The following RAD52 variants were observed in gnomAD, a reference collection of about 807,000 sequenced individuals.
RAD52 encodes the protein RAD52 DNA repair protein, also known as DNA repair protein RAD52 homolog.
A neutral mutation model predicts 55.5 loss-of-function variants in RAD52; 47 were observed. The observed-to-expected ratio is 0.85, with a 90% CI of 0.67 to 1.08. RAD52 has a LOEUF of 1.08. RAD52 is among the 50% of genes least tolerant of loss of function. The probability of loss-of-function intolerance (pLI) is 0.00; values close to 1 mark genes in which losing one functional copy is unlikely to be tolerated. For missense variants in RAD52, 468 were observed against 522.8 expected (o/e 0.90, Z 1.02); for synonymous variants, 184 against 198.9 (o/e 0.92, Z 0.63).
At chr12:932,486 C>T (rs941777612) in intron 2 of RAD52, among the ~76,000 whole-genome samples, 2 of 151,600 alleles carry the variant, frequency 1.3e-5, no homozygotes, top group Non-Finnish European at 2.9e-5. Flanking sequence ...CAAAGCAAGA[C>T]TCAGTCTCGA....
chr12:935,660 C>A (rs1233028472), intron 1 of RAD52, among the ~76,000 whole-genome samples: 2 of 151,502 alleles, frequency 1.3e-5, no homozygotes, highest in Non-Finnish European at 2.9e-5. Flanking sequence ...TCGAGACCAG[C>A]CTGACCAACA....
chr12:965,146 A>AT (rs1958741829), intron 1 of RAD52, among the ~76,000 whole-genome samples: 2 of 151,612 alleles, frequency 1.3e-5, no homozygotes, highest in Non-Finnish European at 2.9e-5. Flanking sequence ...CGCCCGGCTA[A>AT]TTTTTGTATT....
At chr12:922,191 T>TTA (rs368322817) in intron 7 of RAD52, among the ~76,000 whole-genome samples, 1 of 81,680 alleles carries the variant, frequency 1.2e-5, no homozygotes, top group East Asian at 3.4e-4. Context: ...TAGGTTGGCT[T>TTA]AAAAAAAAAA....
At chr12:980,131 A>G (rs920464098) in intron 1 of RAD52, among the ~76,000 whole-genome samples, 3 of 151,698 alleles carry the variant, frequency 2.0e-5, no homozygotes, top group African/African-American at 7.3e-5. Flanking sequence ...CGGAGGTTGC[A>G]GTGAGCTGAG....
upstream of RAD52, among the ~76,000 whole-genome samples, chr12:953,885 G>A (rs563586850): frequency 3.3e-5 from 5 of 152,164 alleles, no homozygotes; most frequent in South Asian, 2.1e-4. Context: ...AGAGCGTTCC[G>A]TACACACAGC....
chr12:927,415 C>A, intron 5 of RAD52, 152 bp from the exon 6 acceptor site: 1 of 677,836 alleles, frequency 1.5e-6, no homozygotes, highest in Middle Eastern at 3.2e-4. Context: ...GAGAATCCAT[C>A]GCGAGTGCTG....
At chr12:938,115 C>T (rs569959028) in intron 1 of RAD52, among the ~76,000 whole-genome samples, 4 of 152,278 alleles carry the variant, frequency 2.6e-5, no homozygotes, top group East Asian at 1.9e-4. Flanking sequence ...AAAAGGAGGG[C>T]GGCAAAAGAT....
At chr12:948,525 G>A (rs1460365658) in intron 1 of RAD52, among the ~76,000 whole-genome samples, 1 of 152,078 alleles carries the variant, frequency 6.6e-6, no homozygotes, top group Non-Finnish European at 1.5e-5. Flanking sequence ...TGGGTGTGGT[G>A]GTATGCGCCT....
intron 1 of RAD52, among the ~76,000 whole-genome samples, chr12:985,609 A>G (rs574159151): frequency 6.6e-6 from 1 of 152,244 alleles, no homozygotes; most frequent in East Asian, 1.9e-4. Context: ...CATATATGTG[A>G]GGTATGGGTT....
Position 919,827 on chromosome 12 carries a change from C to T in RAD52, c.544-3007G>A, listed in dbSNP as rs188157905. 5.2e-5 allele frequency among the ~76,000 whole-genome samples: 6 copies of T among 116,322 alleles called. 2 individuals are homozygous for T. Among genetic ancestry groups the T allele is most frequent in the East Asian group, 2.3e-4 (1 of 4,398 alleles). 76.3% of individuals were successfully genotyped at this position (116,322 alleles called of 152,430 possible). A position where few individuals can be genotyped will look rare whatever the true frequency, so the allele number is the denominator to read the frequency against. ...CAACACCTTGGGAGGCCGAGGTGGG[C>T]GGATCATCTGAGGTTAAGAGTCCAA... On this transcript the variant is annotated intron_variant, in intron 7 of 11. Coordinates refer to ENST00000358495, the MANE Select transcript of RAD52 (RefSeq NM_134424.4).
At position 930,449 on chromosome 12, in the gene RAD52, G is replaced by A. The variant is rs11571418; in HGVS notation, c.187-305C>T. On this transcript the variant is annotated intron_variant, in intron 3 of 11. Coordinates refer to ENST00000358495, the MANE Select transcript of RAD52 (RefSeq NM_134424.4). ...CAAAAATCTTCTAGATGGAGCCCGC[G>A]AGAACGAATGGTCTGTTGGGAGGAG... Among the ~76,000 whole-genome samples the A allele has an allele frequency of 3.3e-5, 5 of 152,138 alleles. No individual in the cohort carries two copies. The East Asian group carries it at 7.7e-4, about 23-fold the overall frequency.
chr12:933,320 A>G (rs1262985706), intron 1 of RAD52, among the ~76,000 whole-genome samples: 1 of 152,038 alleles, frequency 6.6e-6, no homozygotes, highest in Non-Finnish European at 1.5e-5. Context: ...TTAGCTGGGC[A>G]TGGTGGCAGG....
chr12:977,973 G>A lies in RAD52; in HGVS notation c.-19+11836C>T, dbSNP rs558163592. Among the ~76,000 whole-genome samples, 124 of 152,332 alleles carry A rather than the reference G, an allele frequency of 8.1e-4. 1 individual carries two copies. Among genetic ancestry groups the A allele is most frequent in the Middle Eastern group, 3.4e-3 (1 of 294 alleles). Reference sequence around the variant, plus strand: ...TGGGACATTGAAATGATCAAGTTGAGTGAATATGGGCAGAACACTGACAAC... The same window carrying A: ...TGGGACATTGAAATGATCAAGTTGAATGAATATGGGCAGAACACTGACAAC... On this transcript the variant is annotated intron_variant, in intron 1 of 11. Coordinates refer to the RAD52 transcript ENST00000430095.
chr12:934,522 A>C (rs1455750285), intron 1 of RAD52, among the ~76,000 whole-genome samples: 3 of 151,796 alleles, frequency 2.0e-5, no homozygotes, highest in African/African-American at 7.3e-5. Flanking sequence ...TCATGTTTAG[A>C]CTTGGGTCCC....
At chr12:965,716 C>T (rs10849608) in intron 1 of RAD52, among the ~76,000 whole-genome samples, 41,993 of 151,726 alleles carry the variant, frequency 0.28, 6,482 homozygotes, top group East Asian at 0.58. Flanking sequence ...GACAGAGTCT[C>T]ACTCTATTGC....
chr12:990,715 CA>C (rs1160527297), upstream of RAD52: 1 of 152,268 alleles, frequency 6.6e-6, no homozygotes, highest in Non-Finnish European at 1.5e-5. Context: ...GTCCCCCCAG[CA>C]GCCAGGGTCG....
At chr12:986,901 C>T (rs1215531626) in intron 1 of RAD52, among the ~76,000 whole-genome samples, 1 of 152,010 alleles carries the variant, frequency 6.6e-6, no homozygotes, top group Non-Finnish European at 1.5e-5. Flanking sequence ...CTAGTGATTA[C>T]TGGATGTTGT....
At position 925,454 on chromosome 12, in the gene RAD52, C is replaced by T. The variant is rs372461582; in HGVS notation, c.539G>A (p.Arg180His). 38 of 1,612,406 alleles carry T rather than the reference C, an allele frequency of 2.4e-5. No individual in the cohort carries two copies. The highest frequency in any genetic ancestry group is 8.0e-5 in the African/African-American group (6 of 74,864). The change falls in exon 7 of 12, where the codon CGC (arginine) becomes CAC (histidine). Residue 180 changes from arginine to histidine, a missense_variant. Physicochemically the swap from Arg to His is conservative, Grantham distance 29. Transcript: ENST00000358495. ...ACTCATCCATGTCTGATATACCTGGCGTGGAAGCTTATTTAGTGATCTCAG... is the reference window on the plus strand; with the variant it reads ...ACTCATCCATGTCTGATATACCTGGTGTGGAAGCTTATTTAGTGATCTCAG... ...DYLRSLNKLP[R>H]QLPLEVDLTK...
chr12:921,130 A>G (rs2154110896), intron 7 of RAD52, among the ~76,000 whole-genome samples: 1 of 152,296 alleles, frequency 6.6e-6, no homozygotes, highest in African/African-American at 2.4e-5. Context: ...GGGTGCAGGG[A>G]AAGAAGTCGT....
Sources: allele counts gnomAD v4.1 joint callset (sites outside exome capture counted in the v4.1 genomes callset), GRCh38; gene constraint gnomAD v4.1.1; transcripts MANE v1.5; gene names NCBI Gene and HGNC (gene_info 2026-07-23, HGNC 2026-07-21).